The following RTN1 variants were observed in gnomAD, a reference collection of about 807,000 sequenced individuals.
The protein encoded by RTN1 is reticulon 1.
Under a neutral mutation model 65.5 loss-of-function variants are expected in RTN1, and 25 were observed. The observed-to-expected ratio is 0.38, with a 90% CI of 0.28 to 0.53. RTN1 has a LOEUF of 0.53. RTN1 is among the 20% of genes least tolerant of loss of function. The pLI, the probability that RTN1 is intolerant of heterozygous loss-of-function variation, is 0.79. For synonymous variants in RTN1, 471 were observed against 447.6 expected (o/e 1.05, Z -0.66); for missense variants, 983 against 1,025.4 (o/e 0.96, Z 0.57).
At chr14:59,726,836 C>T (rs1884771115) in intron 3 of RTN1, 83 bp downstream of exon 3, 11 of 1,231,900 alleles carry the variant, frequency 8.9e-6, no homozygotes, top group Non-Finnish European at 1.2e-5. Flanking sequence ...GACTCCAGGG[C>T]TGAGCCAGAA....
chr14:59,844,433 C>T (rs977420612), intron 1 of RTN1, among the ~76,000 whole-genome samples: 4 of 152,162 alleles, frequency 2.6e-5, no homozygotes, highest in African/African-American at 9.7e-5. Flanking sequence ...GTTACTCTGA[C>T]AATATAGTTA....
At chr14:59,752,052 A>C (rs1885533468) in intron 1 of RTN1, among the ~76,000 whole-genome samples, 1 of 151,832 alleles carries the variant, frequency 6.6e-6, no homozygotes, top group African/African-American at 2.4e-5. Flanking sequence ...ACTACCCAAC[A>C]CTTCTTCAAC....
intron 1 of RTN1, among the ~76,000 whole-genome samples, chr14:59,812,861 C>T (rs373316676): frequency 1.1e-4 from 16 of 152,216 alleles, no homozygotes; most frequent in African/African-American, 3.1e-4. Flanking sequence ...TAATTTGCAA[C>T]GAAATGGAGA....
At chr14:59,819,241 G>A (rs556720721) in intron 1 of RTN1, among the ~76,000 whole-genome samples, 63 of 152,130 alleles carry the variant, frequency 4.1e-4, no homozygotes, top group Admixed American at 6.5e-4. Context: ...AAGAGCGAAA[G>A]AACTAACCTT....
chr14:59,614,965 T>C (rs1464009952), intron 3 of RTN1, among the ~76,000 whole-genome samples: 1 of 152,210 alleles, frequency 6.6e-6, no homozygotes, highest in Non-Finnish European at 1.5e-5. Context: ...CATGGGAATA[T>C]AGCTTTTGTT....
intron 5 of RTN1, 196 bp downstream of exon 5, chr14:59,605,172 G>A: frequency 1.9e-6 from 1 of 533,104 alleles, no homozygotes; most frequent in Non-Finnish European, 3.1e-6. Context: ...CTGGACAAAT[G>A]TCTCAGCCAC....
At chr14:59,701,284 A>C (rs1369937409) in intron 3 of RTN1, among the ~76,000 whole-genome samples, 2 of 152,222 alleles carry the variant, frequency 1.3e-5, no homozygotes. Context: ...TGTTAAACAT[A>C]GAGTTATCTT....
chr14:59,635,571 T>A (rs1175862025), intron 3 of RTN1, among the ~76,000 whole-genome samples: 1 of 152,054 alleles, frequency 6.6e-6, no homozygotes, highest in African/African-American at 2.4e-5. Flanking sequence ...GTCCTTTCAT[T>A]GTTTAGGAGG....
At position 59,749,212 on chromosome 14, in the gene RTN1, ATATATATC is replaced by A. The variant is rs1165438231; in HGVS notation, c.242-2739_242-2732del. 7.4e-3 allele frequency among the ~76,000 whole-genome samples: 718 copies of A among 97,494 alleles called. 95 individuals are homozygous for A. Among genetic ancestry groups the A allele is most frequent in the Middle Eastern group, 0.021 (4 of 190 alleles). The allele number at this position is 97,494 out of a possible 152,430, so 64.0% of individuals were successfully genotyped here. Reference sequence around the variant, plus strand: ...TCTATATATATCTATATATATATCTATATATATCTATATATCTATATATATCTATATAT... The same window carrying A: ...TCTATATATATCTATATATATATCTATATATATCTATATATATCTATATAT... On this transcript the variant is annotated intron_variant, in intron 1 of 8. Coordinates refer to ENST00000267484, the MANE Select transcript of RTN1 (RefSeq NM_021136.3).
In RTN1 at chr14:59,749,136, ATC is replaced by A. The variant is rs1250420814; in HGVS notation, c.242-2657_242-2656del. On this transcript the variant is annotated intron_variant, in intron 1 of 8. Coordinates refer to ENST00000267484, the MANE Select transcript of RTN1 (RefSeq NM_021136.3). ...TATATATATATATAGATATATCTAT[ATC>A]TATCTATCTATCTATCTATATCTAT... Among the ~76,000 whole-genome samples, 484 of 109,686 alleles carry A rather than the reference ATC, an allele frequency of 4.4e-3. 72 individuals are homozygous for A. Among genetic ancestry groups the A allele is most frequent in the African/African-American group, 0.02 (460 of 23,028 alleles). The allele number at this position is 109,686 out of a possible 152,430, so 72.0% of individuals were successfully genotyped here.
chr14:59,730,123 G>T (rs1021917350), intron 2 of RTN1, among the ~76,000 whole-genome samples: 1 of 152,168 alleles, frequency 6.6e-6, no homozygotes, highest in African/African-American at 2.4e-5. Flanking sequence ...CTTTGAGTGT[G>T]TCACTTTTTT....
chr14:59,637,392 A>C (rs952375916), intron 3 of RTN1, among the ~76,000 whole-genome samples: 2 of 152,140 alleles, frequency 1.3e-5, no homozygotes, highest in African/African-American at 4.8e-5. Context: ...CCTCCACTGA[A>C]GTCTTGGACC....
intron 3 of RTN1, among the ~76,000 whole-genome samples, chr14:59,620,763 A>G (rs1300596824): frequency 6.6e-6 from 1 of 152,222 alleles, no homozygotes; most frequent in Admixed American, 6.5e-5. Flanking sequence ...GATCCATTCA[A>G]TAGAATTAGA....
intron 1 of RTN1, among the ~76,000 whole-genome samples, chr14:59,830,695 G>A (rs1887110816): frequency 6.6e-6 from 1 of 152,172 alleles, no homozygotes; most frequent in South Asian, 2.1e-4. Flanking sequence ...AATTAGCAAT[G>A]TGACCTTCAG....
At chr14:59,759,822 T>G (rs908286380) in intron 1 of RTN1, among the ~76,000 whole-genome samples, 6 of 152,032 alleles carry the variant, frequency 3.9e-5, no homozygotes, top group African/African-American at 1.4e-4. Flanking sequence ...TCCTTATCAG[T>G]TTGAAAAAAA....
At chr14:59,609,983 C>T in intron 3 of RTN1, 1 of 642,508 alleles carries the variant, frequency 1.6e-6, no homozygotes, top group Non-Finnish European at 2.8e-6. Flanking sequence ...GAAGGGGGCA[C>T]TCCTTAGTGT....
chr14:59,707,152 T>A (rs956306787), intron 3 of RTN1, among the ~76,000 whole-genome samples: 8 of 152,224 alleles, frequency 5.3e-5, no homozygotes, highest in Admixed American at 3.3e-4. Flanking sequence ...AAAACTCTGA[T>A]GGCTTTTAAA....
chr14:59,639,019 C>G (rs949122027), intron 3 of RTN1, among the ~76,000 whole-genome samples: 2 of 152,196 alleles, frequency 1.3e-5, no homozygotes, highest in Non-Finnish European at 2.9e-5. Context: ...ATGTATGACT[C>G]TTCCTTTCAC....
chr14:59,820,748 A>G (rs1160616042), intron 1 of RTN1, among the ~76,000 whole-genome samples: 1 of 152,208 alleles, frequency 6.6e-6, no homozygotes, highest in Non-Finnish European at 1.5e-5. Context: ...ACAATTCAAG[A>G]TAAGCTTTGA....
Sources: gnomAD v4.1 joint callset for allele counts (sites outside exome capture counted in the v4.1 genomes callset) on GRCh38, gnomAD v4.1.1 for gene constraint, MANE v1.5 for transcripts, NCBI Gene and HGNC (gene_info 2026-07-23, HGNC 2026-07-21) for gene names.